The following DDX19B variants were observed in gnomAD, a reference collection of about 807,000 sequenced individuals.
DDX19B encodes the protein DEAD-box helicase 19B, also known as ATP-dependent RNA helicase DDX19B.
DDX19B carries 27 observed loss-of-function variants against 58.1 expected under a neutral mutation model. That is an observed-to-expected ratio of 0.46 (90% CI 0.34 to 0.64). The LOEUF (loss-of-function observed/expected upper bound fraction) is 0.64, where lower values mean the gene tolerates loss of function less well. Ranked by LOEUF, DDX19B falls within the 30% of genes least tolerant of loss-of-function variation. The probability of loss-of-function intolerance (pLI) is 0.01; values close to 1 mark genes in which losing one functional copy is unlikely to be tolerated. For missense variants in DDX19B, 399 were observed against 596.5 expected, an observed-to-expected ratio of 0.67 and a Z score of 3.45; for synonymous variants, 187 against 214.4, an observed-to-expected ratio of 0.87 and a Z score of 1.12.
At chr16:70,304,116 T>C (rs1961619950) in intron 1 of DDX19B, among the ~76,000 whole-genome samples, 1 of 151,810 alleles carries the variant, frequency 6.6e-6, no homozygotes, top group East Asian at 1.9e-4. Context: ...CTCAGCTCAC[T>C]GCAACCCCTC....
chr16:70,326,385 G>A (rs896276551), intron 7 of DDX19B, among the ~76,000 whole-genome samples: 1 of 152,192 alleles, frequency 6.6e-6, no homozygotes, highest in African/African-American at 2.4e-5. Context: ...GCTGAGGCAG[G>A]AGAATGGTGT....
intron 2 of DDX19B, among the ~76,000 whole-genome samples, chr16:70,314,219 C>T (rs541855332): frequency 2.4e-4 from 37 of 152,142 alleles, no homozygotes; most frequent in Admixed American, 1.8e-3. Flanking sequence ...TGATAAAATA[C>T]GATTTGCATA....
At chr16:70,321,039 C>T (rs1335886314) in intron 5 of DDX19B, among the ~76,000 whole-genome samples, 4 of 150,710 alleles carry the variant, frequency 2.7e-5, no homozygotes, top group Admixed American at 1.3e-4. Context: ...CTCGGTTCAC[C>T]GCAATCTCTG....
chr16:70,317,367 C>A, intron 4 of DDX19B, 129 bp from the exon 5 acceptor site: 1 of 634,702 alleles, frequency 1.6e-6, no homozygotes. Context: ...GGCAATAGAT[C>A]GAGACTCTGC....
intron 7 of DDX19B, among the ~76,000 whole-genome samples, chr16:70,326,650 C>T (rs144925144): frequency 0.033 from 4,975 of 152,158 alleles, 112 homozygotes; most frequent in East Asian, 0.098. Context: ...GATTCTCCTG[C>T]CTCAGACTCC....
Position 70,299,273 on chromosome 16 carries a change from G to T in DDX19B, c.-25G>T, listed in dbSNP as rs768846581. On this transcript the variant is annotated 5_prime_UTR_variant, in exon 1 of 12. Transcript: ENST00000288071. ...TGCCATCCCTCGAATCCACCAGCAC[G>T]AGCGTCCCACCCGCGCCTGGGACCA... The T allele has an allele frequency of 1.3e-6, 2 of 1,555,370 alleles. No individual in the cohort carries two copies. The highest frequency in any genetic ancestry group is 1.7e-6 in the Non-Finnish European group (2 of 1,153,396).
chr16:70,311,094 C>T (rs1475853127), intron 1 of DDX19B, among the ~76,000 whole-genome samples: 4 of 150,840 alleles, frequency 2.7e-5, no homozygotes, highest in Admixed American at 6.6e-5. Flanking sequence ...ACTAGAAAGG[C>T]CGGGCGTGGC....
Position 70,332,974 on chromosome 16 carries a change from A to C in DDX19B, c.1193A>C (p.Asp398Ala). ...CCAACTCTCCTTCCTGCAGGCATTG[A>C]TGTTGAACAAGTGTCTGTCGTCATC... ...VTTNVCARGIDVEQVSVVINF... is the reference protein window; with the variant it reads ...VTTNVCARGIAVEQVSVVINF... The change falls in exon 11 of 12, where the codon GAT (aspartate) becomes GCT (alanine). Residue 398 changes from aspartate (D) to alanine (A), a missense_variant. Coordinates refer to ENST00000288071, the MANE Select transcript of DDX19B (RefSeq NM_007242.7). The C allele has an allele frequency of 6.2e-7, 1 of 1,613,364 alleles. No homozygotes were observed.
chr16:70,296,109 A>G (rs1254933608), upstream of DDX19B, among the ~76,000 whole-genome samples: 1 of 151,490 alleles, frequency 6.6e-6, no homozygotes, highest in Non-Finnish European at 1.5e-5. Context: ...GGTTCAAGCA[A>G]TTCTCTGCCT....
chr16:70,312,048 G>A (rs994522945), intron 1 of DDX19B, among the ~76,000 whole-genome samples: 1 of 152,032 alleles, frequency 6.6e-6, no homozygotes, highest in Non-Finnish European at 1.5e-5. Flanking sequence ...CACCATGTTG[G>A]CCAGGATGGT....
At chr16:70,307,509 C>T (rs1269208317) in intron 1 of DDX19B, among the ~76,000 whole-genome samples, 4 of 151,864 alleles carry the variant, frequency 2.6e-5, no homozygotes, top group Admixed American at 6.6e-5. Context: ...ATTACAAGCA[C>T]GTGCCACCAT....
At chr16:70,309,220 G>A (rs1477975869) in intron 1 of DDX19B, among the ~76,000 whole-genome samples, 2 of 152,194 alleles carry the variant, frequency 1.3e-5, no homozygotes, top group Admixed American at 6.6e-5. Context: ...GGGAGGCTGG[G>A]CGCGGTGGCT....
intron 5 of DDX19B, among the ~76,000 whole-genome samples, chr16:70,318,901 G>A (rs939222145): frequency 9.9e-5 from 15 of 151,380 alleles, no homozygotes; most frequent in Admixed American, 5.9e-4. Flanking sequence ...TCCGGAGATC[G>A]AGACCATCCT....
At chr16:70,329,143 A>C in intron 7 of DDX19B, 149 bp from the exon 8 acceptor site, 2 of 1,068,282 alleles carry the variant, frequency 1.9e-6, no homozygotes, top group South Asian at 3.3e-5. Flanking sequence ...GAATCGCTTG[A>C]ACCTGGGCGG....
chr16:70,325,510 G>A (rs1963093982), intron 6 of DDX19B, 64 bp from the exon 7 acceptor site: 1 of 1,113,118 alleles, frequency 9.0e-7, no homozygotes, highest in Non-Finnish European at 1.4e-6. Context: ...AAGTACTAAT[G>A]GTAATTCCCC....
At chr16:70,328,010 T>G (rs1326308467) in intron 7 of DDX19B, among the ~76,000 whole-genome samples, 1 of 151,650 alleles carries the variant, frequency 6.6e-6, no homozygotes, top group Non-Finnish European at 1.5e-5. Flanking sequence ...AAATATTAGC[T>G]GGGCATGGTG....
intron 5 of DDX19B, among the ~76,000 whole-genome samples, chr16:70,320,552 A>AT (rs61587002): frequency 2.0e-3 from 289 of 141,410 alleles, no homozygotes; most frequent in Admixed American, 9.7e-3. Context: ...TTTTTATACA[A>AT]TTTTTTTTTT....
At chr16:70,324,820 G>A in intron 6 of DDX19B, 133 bp downstream of exon 6, 1 of 748,024 alleles carries the variant, frequency 1.3e-6, no homozygotes, top group Admixed American at 3.5e-5. Flanking sequence ...GGGAGGCCGA[G>A]GTGGGCGGAT....
At chr16:70,293,115 TAAA>T (rs1050893297), upstream of DDX19B, among the ~76,000 whole-genome samples, 1 of 149,946 alleles carries the variant, frequency 6.7e-6, no homozygotes, top group Non-Finnish European at 1.5e-5. Context: ...TAAAAAATAA[TAAA>T]AACAACAAAC....
Sources: allele counts gnomAD v4.1 joint callset (sites outside exome capture counted in the v4.1 genomes callset), GRCh38; gene constraint gnomAD v4.1.1; transcripts MANE v1.5; gene names NCBI Gene and HGNC (gene_info 2026-07-23, HGNC 2026-07-21).